The following MYH4 variants were observed in gnomAD, a reference collection of about 807,000 sequenced individuals.
MYH4 encodes the protein myosin heavy chain 4, also known as myosin-4.
A neutral mutation model predicts 229.9 loss-of-function variants in MYH4; 200 were observed. The observed-to-expected ratio is 0.87, with a 90% CI of 0.78 to 0.98. The LOEUF is 0.98. MYH4 is among the 50% of genes least tolerant of loss of function. The probability of loss-of-function intolerance (pLI) is 0.00; values close to 1 mark genes in which losing one functional copy is unlikely to be tolerated. For missense variants in MYH4, 2,148 were observed against 2,332.6 expected, an observed-to-expected ratio of 0.92 and a Z score of 1.63; for synonymous variants, 761 against 834.6, an observed-to-expected ratio of 0.91 and a Z score of 1.52.
intron 35 of MYH4, 98 bp from the exon 36 acceptor site, chr17:10,445,460 A>T (rs988585911): frequency 3.4e-6 from 5 of 1,485,142 alleles, no homozygotes; most frequent in Non-Finnish European, 4.6e-6. Context: ...TATTGATCAT[A>T]AGAAATGTTT....
At chr17:10,449,563 T>C (rs1486184571) in intron 30 of MYH4, among the ~76,000 whole-genome samples, 1 of 152,216 alleles carries the variant, frequency 6.6e-6, no homozygotes, top group Non-Finnish European at 1.5e-5. Flanking sequence ...CACCAAGGAA[T>C]GGTAGCATTG....
chr17:10,448,355 A>T (rs2142211780), intron 33 of MYH4, 41 bp downstream of exon 33: 3 of 1,579,004 alleles, frequency 1.9e-6, no homozygotes, highest in Middle Eastern at 1.7e-4. Context: ...ATTAATTTTC[A>T]ATTTATTTAT....
intron 20 of MYH4, 24 bp downstream of exon 20, chr17:10,455,146 CAG>C (rs757658146): frequency 9.3e-6 from 15 of 1,614,014 alleles, no homozygotes; most frequent in Non-Finnish European, 1.3e-5. Context: ...AGAATTATGA[CAG>C]ATAGAAATTT....
In MYH4 at chr17:10,455,162, C is replaced by G; in HGVS notation, c.2298+10G>C. ...GAATTATGACAGATAGAAATTTGGA[C>G]TGGTGATACCTTGGTATGACCGAAT... On this transcript the variant is annotated intron_variant, in intron 20 of 39. Coordinates refer to ENST00000255381, the MANE Select transcript of MYH4 (RefSeq NM_017533.2). The G allele has an allele frequency of 6.2e-7, 1 of 1,614,126 alleles. No individual in the cohort carries two copies. The highest frequency in any genetic ancestry group is 8.5e-7 in the Non-Finnish European group (1 of 1,179,992).
rs61745309 is a variant in MYH4 at position 10,448,714 on chromosome 17, G to A, written c.4435C>T (p.Arg1479Cys). The A allele has an allele frequency of 5.9e-4, 950 of 1,614,108 alleles. 6 individuals carry two copies. The African/African-American group carries it at 0.011, about 19-fold the overall frequency. The change falls in exon 32 of 40, where the codon CGT becomes TGT. Residue 1479 changes from arginine to cysteine, a missense_variant. By Grantham distance (180) the Arg-to-Cys change is radical. Coordinates refer to ENST00000255381, the MANE Select transcript of MYH4 (RefSeq NM_017533.2). ...TTGAACAGCTCAGTGCTGAGAGAAC[G>A]CGACTCCTTCTGGGAGGCCTCAAGT... Reference protein sequence around the residue: ...AELEASQKESRSLSTELFKVK... With the variant: ...AELEASQKESCSLSTELFKVK...
rs539644363 is a variant in MYH4, at chr17:10,453,725, C to T, written c.2852G>A (p.Cys951Tyr). ...ATCAATGTCTTTCTTGAGCTCTGAA[C>T]ATTCATCCTCCAGTTTCCTCTTCTT... is the stretch of plus-strand genomic sequence containing the variant. Reference protein sequence around the residue: ...TAKKRKLEDECSELKKDIDDL... With the variant: ...TAKKRKLEDEYSELKKDIDDL... Residue 951 changes from cysteine to tyrosine, a missense_variant, in exon 23 of 40, where the codon TGT (cysteine) becomes TAT (tyrosine). Coordinates refer to ENST00000255381, the MANE Select transcript of MYH4 (RefSeq NM_017533.2). The T allele has an allele frequency of 4.3e-6, 7 of 1,614,086 alleles. No homozygotes were observed. The South Asian group carries it at 7.7e-5, about 18-fold the overall frequency.
At position 10,454,705 on chromosome 17, in the gene MYH4, T is replaced by C. The variant is rs1182738370; in HGVS notation, c.2541A>G (p.Ala847=). The part of the protein sequence containing the change: ...YFKIKPLLKS[A]ETEKEMANMK... ...TGTTGGCCATCTCCTTCTCTGTCTC[T>C]GCACTCTTGAGGAGGGGCTTGATCT... Residue 847 remains alanine (A), a synonymous_variant, in exon 22 of 40, where the codon GCA becomes GCG. Coordinates refer to ENST00000255381, the MANE Select transcript of MYH4 (RefSeq NM_017533.2). 4 of 1,614,122 alleles carry C rather than the reference T, an allele frequency of 2.5e-6. No homozygotes were observed. The African/African-American group carries it at 4.0e-5, about 16-fold the overall frequency.
Position 10,443,410 on chromosome 17 carries a change from G to T in MYH4, c.5785C>A (p.Arg1929=). 2.5e-6 allele frequency: 4 copies of T among 1,614,022 alleles called. No individual in the cohort carries two copies. The highest frequency in any genetic ancestry group is 3.4e-6 in the Non-Finnish European group (4 of 1,179,980). Residue 1929 remains arginine (R), a synonymous_variant, in exon 40 of 40, where the codon CGG becomes AGG. Transcript: ENST00000255381. The surrounding 1 kb of genome is among the most constrained non-coding windows in gnomAD (Gnocchi z 4.6). The part of the protein sequence containing the change: ...SQVNKLRVKS[R]EVHTKVISEE ...CTTATGACTTTTGTGTGAACCTCCC[G>T]ACTCTTCACTCTCAGCTTGTTGACT...
At chr17:10,466,248 G>A in intron 4 of MYH4, 25 bp downstream of exon 4, 1 of 1,611,290 alleles carries the variant, frequency 6.2e-7, no homozygotes, top group South Asian at 1.1e-5. Context: ...GAGTGAGTGA[G>A]AAATAGCGTT....
At chr17:10,465,770 CTTTTTTTTTTT>C (rs957442606) in intron 4 of MYH4, among the ~76,000 whole-genome samples, 172 bp from the exon 5 acceptor site, 2 of 97,994 alleles carry the variant, frequency 2.0e-5, no homozygotes, top group African/African-American at 3.8e-5. Flanking sequence ...TTCAGTTTTT[CTTTTTTTTTTT>C]TTTTTTTTTT....
chr17:10,463,300 A>G, intron 9 of MYH4, 38 bp downstream of exon 9: 1 of 1,572,024 alleles, frequency 6.4e-7, no homozygotes, highest in Non-Finnish European at 8.7e-7. Context: ...GTACCCACAA[A>G]GAAAAAGATT....
Position 10,452,285 on chromosome 17 carries a change from A to G in MYH4, c.3394T>C (p.Ser1132Pro), listed in dbSNP as rs2072585397. Residue 1132 changes from serine to proline, a missense_variant, in exon 27 of 40, where the codon TCC (serine) becomes CCC (proline). Coordinates refer to ENST00000255381, the MANE Select transcript of MYH4 (RefSeq NM_017533.2). ...CGCTGCTTCTCTGCTTTGGCCCGGG[A>G]GGCCCGCTCTGCCTCGATTTCCTCC... The part of the protein sequence containing the change: ...LEEEIEAERA[S>P]RAKAEKQRSD... The G allele has an allele frequency of 1.2e-6, 2 of 1,613,794 alleles. No individual in the cohort carries two copies. The highest frequency in any genetic ancestry group is 2.2e-5 in the South Asian group (2 of 91,078).
chr17:10,468,680 A>G (rs1365805571), intron 2 of MYH4, among the ~76,000 whole-genome samples: 1 of 152,192 alleles, frequency 6.6e-6, no homozygotes, highest in African/African-American at 2.4e-5. Flanking sequence ...ACTGACGTCA[A>G]TCACAGTTGG....
At chr17:10,467,419 G>A (rs561769580) in intron 2 of MYH4, among the ~76,000 whole-genome samples, 2 of 152,270 alleles carry the variant, frequency 1.3e-5, no homozygotes, top group African/African-American at 4.8e-5. Flanking sequence ...TACAATGAAA[G>A]CTGAATATCC....
In MYH4 at chr17:10,450,655, C is replaced by A. The variant is rs1243429226; in HGVS notation, c.3985-6G>T. ...TGGGCCAGAGTGCTCTTGGCCTAGA[C>A]CAACCAAAAACTATGTGATATAAGT... On this transcript the variant is annotated splice_polypyrimidine_tract_variant and splice_region_variant and intron_variant, in intron 29 of 39. Coordinates refer to ENST00000255381, the MANE Select transcript of MYH4 (RefSeq NM_017533.2). 6.2e-7 allele frequency: 1 copy of A among 1,613,678 alleles called. No individual in the cohort carries two copies. The highest frequency in any genetic ancestry group is 1.1e-5 in the South Asian group (1 of 91,008).
rs376404318 is a variant in MYH4 at position 10,452,047 on chromosome 17, A to G, written c.3632T>C (p.Ile1211Thr). ...ADSVAELGEQIDSLQRVKQKL... is the reference protein window; with the variant it reads ...ADSVAELGEQTDSLQRVKQKL... ...CTGCTTGACCCGCTGAAGGCTGTCA[A>G]TCTGCTCCCCAAGCTCAGCCACACT... The change falls in exon 27 of 40, where the codon ATT becomes ACT. Residue 1211 changes from isoleucine to threonine, a missense_variant. Coordinates refer to ENST00000255381, the MANE Select transcript of MYH4 (RefSeq NM_017533.2). 18 of 1,613,758 alleles carry G rather than the reference A, an allele frequency of 1.1e-5. No homozygotes were observed. The highest frequency in any genetic ancestry group is 9.3e-5 in the African/African-American group (7 of 74,878).
At chr17:10,448,227 T>A in intron 33 of MYH4, 101 bp from the exon 34 acceptor site, 1 of 1,326,758 alleles carries the variant, frequency 7.5e-7, no homozygotes, top group South Asian at 1.5e-5. Flanking sequence ...CCATAAACTA[T>A]CATACGTCTT....
rs756760953 is a variant in MYH4 at position 10,459,347 on chromosome 17, G to A, written c.1491C>T (p.Phe497=). The change falls in exon 15 of 40, where the codon TTC becomes TTT. Residue 497 remains phenylalanine (F), a synonymous_variant. Transcript: ENST00000255381. The part of the protein sequence containing the change: ...KLQQFFNHHM[F]VLEQEEYKKE... ...TCTTGTACTCTTCCTGCTCCAGCAC[G>A]AACATGTGGTGGTTGAAAAACTGTT... is the stretch of plus-strand genomic sequence containing the variant. The A allele has an allele frequency of 1.1e-5, 17 of 1,614,024 alleles. No homozygotes were observed. The highest frequency in any genetic ancestry group is 5.3e-5 in the African/African-American group (4 of 74,898).
chr17:10,465,440 A>G lies in MYH4; in HGVS notation c.505+2T>C. ...GCTATGGAAATTGTAATTCTCACTCACCAGTTAGCATGAACTGATAGGCAT... is the reference window on the plus strand; with the variant it reads ...GCTATGGAAATTGTAATTCTCACTCGCCAGTTAGCATGAACTGATAGGCAT... On this transcript the variant is annotated splice_donor_variant, in intron 5 of 39. Transcript: ENST00000255381. LOFTEE classifies it high-confidence loss of function. 1 of 1,613,492 alleles carries G rather than the reference A, an allele frequency of 6.2e-7. No homozygotes were observed. The highest frequency in any genetic ancestry group is 8.5e-7 in the Non-Finnish European group (1 of 1,179,928).
Sources: gnomAD v4.1 joint callset for allele counts (sites outside exome capture counted in the v4.1 genomes callset) on GRCh38, gnomAD v4.1.1 for gene constraint, Gnocchi (gnomAD v3.1) non-coding constraint, MANE v1.5 for transcripts, NCBI Gene and HGNC (gene_info 2026-07-23, HGNC 2026-07-21) for gene names.